The following RNPEPL1 variants were observed in gnomAD, a reference collection of about 807,000 sequenced individuals.
The protein encoded by RNPEPL1 is aminopeptidase RNPEPL1.
In RNPEPL1, 46 loss-of-function variants were observed where a neutral mutation model predicts 69.0. The ratio of observed to expected loss-of-function variants is 0.67; its 90% CI spans 0.53 to 0.85. The LOEUF (loss-of-function observed/expected upper bound fraction) is 0.85, where lower values mean the gene tolerates loss of function less well. Among genes scored for constraint, RNPEPL1 ranks in the 40% least tolerant of loss-of-function variants. The pLI, the probability that RNPEPL1 is intolerant of heterozygous loss-of-function variation, is 0.00. For synonymous variants in RNPEPL1, 525 were observed against 454.1 expected, an observed-to-expected ratio of 1.16 and a Z score of -1.98; for missense variants, 869 against 992.5, an observed-to-expected ratio of 0.88 and a Z score of 1.67.
Position 240,578,033 on chromosome 2 carries a change from G to A in RNPEPL1, c.*141G>A, listed in dbSNP as rs1027136414. The A allele has an allele frequency of 7.8e-6, 6 of 768,870 alleles. No homozygotes were observed. The highest frequency in any genetic ancestry group is 3.4e-5 in the Admixed American group (1 of 29,516). The allele number at this position is 768,870 out of a possible 1,614,324, so 47.6% of individuals were successfully genotyped here. A position where few individuals can be genotyped will look rare whatever the true frequency, so the allele number is the denominator to read the frequency against. The stretch of plus-strand genomic sequence containing the variant: ...CCCCTCCCCTGGGCTCTCCCAGGCA[G>A]GGAGAATGGGGAGAGGGACCTCCTT... On this transcript the variant is annotated 3_prime_UTR_variant, in exon 11 of 11. Transcript: ENST00000270357.
chr2:240,574,120 A>C lies in RNPEPL1; in HGVS notation c.946A>C (p.Ile316Leu). The stretch of plus-strand genomic sequence containing the variant: ...ACCGCCCTCCCGGTGCAGGTACGAC[A>C]TTGTCTTCCTGCCACCCTCCTTCCC... ...YGPYMWGRYD[I>L]VFLPPSFPIV... is the part of the protein sequence containing the mutation. The change falls in exon 5 of 11, where the codon ATT (isoleucine) becomes CTT (leucine). Residue 316 changes from isoleucine (I) to leucine (L), a missense_variant. Around this residue, in one of 2 missense-constraint regions of RNPEPL1, gnomAD observed 610 missense variants for 790.9 expected, o/e 0.77. Transcript: ENST00000270357. 6.2e-7 allele frequency: 1 copy of C among 1,612,442 alleles called. No homozygotes were observed.
At chr2:240,574,710 C>A in intron 6 of RNPEPL1, 82 bp downstream of exon 6, 2 of 1,218,726 alleles carry the variant, frequency 1.6e-6, no homozygotes, top group Non-Finnish European at 2.4e-6. Flanking sequence ...TGTGTTCTGG[C>A]TGTGGCTTCT....
At chr2:240,577,013 C>T (rs1480817515) in intron 10 of RNPEPL1, 23 bp downstream of exon 10, 1 of 1,611,878 alleles carries the variant, frequency 6.2e-7, no homozygotes, top group Admixed American at 1.7e-5. Context: ...GCCCAGGGGG[C>T]CAGCCTGGAA....
chr2:240,573,286 T>C, intron 3 of RNPEPL1, 25 bp downstream of exon 3: 3 of 1,547,492 alleles, frequency 1.9e-6, no homozygotes, highest in Non-Finnish European at 2.6e-6. Context: ...TGGGGCCTTC[T>C]GGGGCTGCGC....
At chr2:240,575,952 G>A (rs1310409180) in intron 8 of RNPEPL1, 2 of 355,182 alleles carry the variant, frequency 5.6e-6, no homozygotes, top group Non-Finnish European at 1.1e-5. Flanking sequence ...CCCTGTTTAT[G>A]TGTCACTTGT....
intron 3 of RNPEPL1, 89 bp from the exon 4 acceptor site, chr2:240,573,686 T>TA (rs1257115219): frequency 8.8e-7 from 1 of 1,132,832 alleles, no homozygotes; most frequent in Non-Finnish European, 1.2e-6. Context: ...GTGTGGGTGT[T>TA]ACTGGAGCCC....
chr2:240,574,001 A>T (rs1003753887), intron 4 of RNPEPL1, 110 bp downstream of exon 4: 4 of 1,369,714 alleles, frequency 2.9e-6, no homozygotes, highest in Non-Finnish European at 4.0e-6. Flanking sequence ...GAGGAAGCGG[A>T]GCTCACCGCA....
chr2:240,576,359 A>G (rs1189644462), intron 8 of RNPEPL1, 176 bp from the exon 9 acceptor site: 1 of 619,536 alleles, frequency 1.6e-6, no homozygotes, highest in African/African-American at 1.8e-5. Context: ...AAGCCCCTTC[A>G]GTGGCTTCAA....
intron 2 of RNPEPL1, 48 bp downstream of exon 2, chr2:240,572,611 G>T: frequency 3.3e-6 from 5 of 1,533,430 alleles, no homozygotes; most frequent in Non-Finnish European, 3.5e-6. Context: ...ACAGCCCAGT[G>T]GCCTGGCCAC....
intron 1 of RNPEPL1, among the ~76,000 whole-genome samples, 159 bp from the exon 2 acceptor site, chr2:240,572,264 T>G (rs2093023868): frequency 6.6e-6 from 1 of 152,178 alleles, no homozygotes; most frequent in Admixed American, 6.5e-5. Context: ...GGCAGGCAAG[T>G]GAAGGCTAAG....
At chr2:240,574,808 G>T in intron 6 of RNPEPL1, 180 bp downstream of exon 6, 1 of 668,040 alleles carries the variant, frequency 1.5e-6, no homozygotes, top group Non-Finnish European at 2.6e-6. Context: ...CACAGCCACC[G>T]CCGCTTCCCT....
At position 240,574,116 on chromosome 2, in the gene RNPEPL1, C is replaced by T. The variant is rs766263743; in HGVS notation, c.942C>T (p.Tyr314=). 8.7e-6 allele frequency: 14 copies of T among 1,612,336 alleles called. No individual in the cohort carries two copies. Among genetic ancestry groups the T allele is most frequent in the South Asian group, 2.2e-5 (2 of 91,064 alleles). The change falls in exon 5 of 11, where the codon TAC becomes TAT. Residue 314 remains tyrosine (Y), a synonymous_variant. Transcript: ENST00000270357. ...CCTCACCGCCCTCCCGGTGCAGGTA[C>T]GACATTGTCTTCCTGCCACCCTCCT... ...RLYGPYMWGR[Y]DIVFLPPSFP...
In RNPEPL1 at chr2:240,573,868, G is replaced by C. The variant is rs1378642642; in HGVS notation, c.915G>C (p.Leu305=). The change falls in exon 4 of 11, where the codon CTG becomes CTC. Residue 305 remains leucine, a synonymous_variant. Transcript: ENST00000270357. ...VEQWLSAAER[L]YGPYMWGRYD... Reference sequence around the variant, plus strand: ...AGTGGCTGAGTGCAGCTGAGCGGCTGTATGGGCCCTACATGTGGGGCAGGT... The same window carrying C: ...AGTGGCTGAGTGCAGCTGAGCGGCTCTATGGGCCCTACATGTGGGGCAGGT... 8.3e-6 allele frequency: 13 copies of C among 1,569,946 alleles called. No individual in the cohort carries two copies. The East Asian group carries it at 3.1e-4, about 37-fold the overall frequency.
At chr2:240,573,006 A>G in intron 2 of RNPEPL1, 104 bp from the exon 3 acceptor site, 2 of 1,310,950 alleles carry the variant, frequency 1.5e-6, no homozygotes, top group East Asian at 2.6e-5. Context: ...ATGGGGATGT[A>G]GGGTTTCCTG....
chr2:240,574,449 ACCT>A (rs1364549627), intron 5 of RNPEPL1, 63 bp from the exon 6 acceptor site: 2 of 1,531,200 alleles, frequency 1.3e-6, no homozygotes, highest in South Asian at 1.2e-5. Context: ...AGGTGCCCAC[ACCT>A]CCTGCTTCCC....
chr2:240,568,579 C>T lies in RNPEPL1; in HGVS notation c.-8C>T, dbSNP rs2093010923. On this transcript the variant is annotated 5_prime_UTR_variant, in exon 1 of 11. Coordinates refer to ENST00000270357, the MANE Select transcript of RNPEPL1 (RefSeq NM_018226.6). This position sits in a 1 kb window ranked among gnomAD's most constrained non-coding sequence, Gnocchi z 6.2. ...GCCGCCCATGGATTTCACCTAGTGCCGGCGGCCATGGCCGCGCAGTGCTGC... is the reference window on the plus strand; with the variant it reads ...GCCGCCCATGGATTTCACCTAGTGCTGGCGGCCATGGCCGCGCAGTGCTGC... The T allele has an allele frequency of 5.1e-6, 5 of 980,128 alleles. No homozygotes were observed. Among genetic ancestry groups the T allele is most frequent in the South Asian group, 9.1e-5 (2 of 22,020 alleles). The allele number at this position is 980,128 out of a possible 1,614,324, so 60.7% of individuals were successfully genotyped here. A position where few individuals can be genotyped will look rare whatever the true frequency, so the allele number is the denominator to read the frequency against.
intron 3 of RNPEPL1, 116 bp from the exon 4 acceptor site, chr2:240,573,659 C>T (rs1414077072): frequency 4.5e-6 from 4 of 897,160 alleles, no homozygotes; most frequent in Non-Finnish European, 6.6e-6. Context: ...CTGGGGTGGT[C>T]AGCCAGGCTG....
chr2:240,576,297 C>G, intron 8 of RNPEPL1: 1 of 582,824 alleles, frequency 1.7e-6, no homozygotes, highest in Non-Finnish European at 3.0e-6. Context: ...GGAGTGGGTG[C>G]GAGTCCCTTG....
At chr2:240,572,277 G>A (rs560378372) in intron 1 of RNPEPL1, 146 bp from the exon 2 acceptor site, 50 of 900,090 alleles carry the variant, frequency 5.6e-5, no homozygotes, top group Non-Finnish European at 7.9e-5. Flanking sequence ...AGGCTAAGGG[G>A]TGGCTATTGG....
Sources: gnomAD v4.1 joint callset for allele counts (sites outside exome capture counted in the v4.1 genomes callset) on GRCh38, gnomAD v4.1.1 for gene constraint, gnomAD v4.1.1 regional missense constraint, Gnocchi (gnomAD v3.1) non-coding constraint, MANE v1.5 for transcripts, NCBI Gene and HGNC (gene_info 2026-07-23, HGNC 2026-07-21) for gene names.